The following SUPT3H variants were observed in gnomAD, a reference collection of about 807,000 sequenced individuals.
SUPT3H encodes SPT3 homolog, SAGA and STAGA complex component, also known as transcription initiation protein SPT3 homolog.
Under a neutral mutation model 44.3 loss-of-function variants are expected in SUPT3H, and 44 were observed. The observed-to-expected ratio is 0.99, with a 90% CI of 0.78 to 1.28. SUPT3H has a LOEUF of 1.28. SUPT3H is among the 50% of genes most tolerant of loss of function. The probability of loss-of-function intolerance (pLI) is 0.00; values close to 1 mark genes in which losing one functional copy is unlikely to be tolerated. For missense variants in SUPT3H, 380 were observed against 387.1 expected, an observed-to-expected ratio of 0.98 and a Z score of 0.15; for synonymous variants, 124 against 125.6, an observed-to-expected ratio of 0.99 and a Z score of 0.09.
At chr6:45,135,355 C>T (rs1464304413) in intron 2 of SUPT3H, among the ~76,000 whole-genome samples, 3 of 152,088 alleles carry the variant, frequency 2.0e-5, no homozygotes, top group Non-Finnish European at 4.4e-5. Context: ...CTAAAGATGC[C>T]TTTTTCACTC....
chr6:45,078,047 A>T (rs1795256057), intron 3 of SUPT3H, among the ~76,000 whole-genome samples: 1 of 152,152 alleles, frequency 6.6e-6, no homozygotes, highest in Non-Finnish European at 1.5e-5. Flanking sequence ...TAATTTCAGT[A>T]TTTTCAGTAG....
intron 6 of SUPT3H, among the ~76,000 whole-genome samples, chr6:44,962,101 A>G (rs1481503584): frequency 6.6e-6 from 1 of 152,290 alleles, no homozygotes; most frequent in African/African-American, 2.4e-5. Flanking sequence ...TCTGACTTGT[A>G]TCATCCTTTT....
Position 45,352,812 on chromosome 6 carries a change from T to C in SUPT3H, c.101+12389A>G, listed in dbSNP as rs192870177. Among the ~76,000 whole-genome samples the C allele has an allele frequency of 1.4e-4, 22 of 152,228 alleles. No individual in the cohort carries two copies. In the East Asian group the frequency reaches 3.3e-3, roughly 23 times the overall value. On this transcript the variant is annotated intron_variant, in intron 2 of 10. Coordinates refer to ENST00000371459, the MANE Select transcript of SUPT3H (RefSeq NM_003599.4). ...TTTATTCTTTATTACTTATATTGCATAGATATCTACATATATATAATTCTA... is the reference window on the plus strand; with the variant it reads ...TTTATTCTTTATTACTTATATTGCACAGATATCTACATATATATAATTCTA...
intron 10 of SUPT3H, among the ~76,000 whole-genome samples, chr6:44,833,044 A>ACTT (rs1769152007): frequency 6.6e-6 from 1 of 152,162 alleles, no homozygotes; most frequent in African/African-American, 2.4e-5. Flanking sequence ...TGTAGTTCCG[A>ACTT]CTTAAATATT....
chr6:45,211,991 C>T (rs534215195), intron 2 of SUPT3H, among the ~76,000 whole-genome samples: 87 of 152,120 alleles, frequency 5.7e-4, no homozygotes, highest in African/African-American at 1.9e-3. Context: ...TAGCAAAACC[C>T]CATCTCTACT....
chr6:45,238,360 A>G (rs959631474), intron 2 of SUPT3H, among the ~76,000 whole-genome samples: 1 of 152,222 alleles, frequency 6.6e-6, no homozygotes, highest in African/African-American at 2.4e-5. Context: ...GTAGGGATCA[A>G]TTTAAAACAC....
chr6:45,375,890 T>C (rs1796712414), intron 1 of SUPT3H, among the ~76,000 whole-genome samples: 1 of 151,984 alleles, frequency 6.6e-6, no homozygotes, highest in African/African-American at 2.4e-5. Flanking sequence ...TATTACCTAA[T>C]TTCACTTATC....
chr6:45,124,187 G>A (rs1286327560), intron 2 of SUPT3H, among the ~76,000 whole-genome samples: 3 of 152,030 alleles, frequency 2.0e-5, no homozygotes, highest in African/African-American at 4.8e-5. Context: ...AAGAGCTTGA[G>A]TTAATGTAAG....
chr6:45,070,910 A>G (rs567890060), intron 3 of SUPT3H, among the ~76,000 whole-genome samples: 216 of 152,296 alleles, frequency 1.4e-3, no homozygotes, highest in Non-Finnish European at 2.7e-3. Flanking sequence ...CAGATGTATA[A>G]GCAACAAACA....
At chr6:44,906,623 A>G (rs563752808) in intron 10 of SUPT3H, among the ~76,000 whole-genome samples, 1 of 152,210 alleles carries the variant, frequency 6.6e-6, no homozygotes, top group Non-Finnish European at 1.5e-5. Flanking sequence ...TTAGCCAGGC[A>G]TGGTGGTGGG....
chr6:45,253,130 A>G (rs1772676018), intron 2 of SUPT3H, among the ~76,000 whole-genome samples: 1 of 152,194 alleles, frequency 6.6e-6, no homozygotes, highest in South Asian at 2.1e-4. Context: ...TACTATAAAC[A>G]TATAAGTTTA....
At chr6:44,857,477 A>C (rs909294019) in intron 10 of SUPT3H, among the ~76,000 whole-genome samples, 1 of 152,308 alleles carries the variant, frequency 6.6e-6, no homozygotes, top group Middle Eastern at 3.4e-3. Context: ...TTGATTTTTA[A>C]TGTCTATGTT....
intron 3 of SUPT3H, among the ~76,000 whole-genome samples, chr6:45,084,075 T>C (rs1003625884): frequency 2.6e-5 from 4 of 152,172 alleles, no homozygotes; most frequent in African/African-American, 4.8e-5. Flanking sequence ...CTTTGGACAC[T>C]GACCTTGGCA....
chr6:45,181,833 T>C (rs997290192), intron 2 of SUPT3H, among the ~76,000 whole-genome samples: 1 of 151,264 alleles, frequency 6.6e-6, no homozygotes. Flanking sequence ...AACCTGCACA[T>C]TGTGCACATG....
At chr6:45,217,418 T>G (rs915058645) in intron 2 of SUPT3H, among the ~76,000 whole-genome samples, 17 of 150,260 alleles carry the variant, frequency 1.1e-4, no homozygotes, top group African/African-American at 1.5e-4. Context: ...GAGGCTGCAG[T>G]GAGCCGACAT....
intron 2 of SUPT3H, among the ~76,000 whole-genome samples, chr6:45,286,573 A>G (rs985170847): frequency 4.6e-5 from 7 of 152,230 alleles, no homozygotes; most frequent in African/African-American, 7.2e-5. Flanking sequence ...AATGGCGATC[A>G]TTAAAAACTG....
chr6:45,176,501 G>A (rs554693047), intron 2 of SUPT3H, among the ~76,000 whole-genome samples: 1 of 152,088 alleles, frequency 6.6e-6, no homozygotes, highest in African/African-American at 2.4e-5. Context: ...CTGGGGGAGG[G>A]GCGCCTGCCA....
At position 45,211,981 on chromosome 6, in the gene SUPT3H, T is replaced by G. The variant is rs79753094; in HGVS notation, c.102-105975A>C. Among the ~76,000 whole-genome samples, 593 of 152,114 alleles carry G rather than the reference T, an allele frequency of 3.9e-3. 7 individuals are homozygous for G. The highest frequency in any genetic ancestry group is 0.014 in the African/African-American group (566 of 41,476). The stretch of plus-strand genomic sequence containing the variant: ...GAGTTCAAGACCAGCCTGACCAAGA[T>G]AGCAAAACCCCATCTCTACTAAAAA... On this transcript the variant is annotated intron_variant, in intron 2 of 10. Transcript: ENST00000371459.
intron 6 of SUPT3H, among the ~76,000 whole-genome samples, chr6:44,988,603 T>C (rs1262483928): frequency 6.6e-6 from 1 of 151,060 alleles, no homozygotes; most frequent in Non-Finnish European, 1.5e-5. Flanking sequence ...ATATTTCTAT[T>C]GTTAAATAAA....
Sources: allele counts gnomAD v4.1 joint callset (sites outside exome capture counted in the v4.1 genomes callset), GRCh38; gene constraint gnomAD v4.1.1; transcripts MANE v1.5; gene names NCBI Gene and HGNC (gene_info 2026-07-23, HGNC 2026-07-21).